Variants in USP36 observed in about 807,000 individuals in gnomAD.
USP36 encodes ubiquitin specific peptidase 36, also known as ubiquitin carboxyl-terminal hydrolase 36.
USP36 carries 59 observed loss-of-function variants against 111.5 expected under a neutral mutation model. The ratio of observed to expected loss-of-function variants is 0.53; its 90% confidence interval spans 0.43 to 0.66. USP36 has a LOEUF of 0.66. USP36 is among the 30% of genes least tolerant of loss of function. The pLI, the probability that USP36 is intolerant of heterozygous loss-of-function variation, is 0.00. For missense variants in USP36, 1,488 were observed against 1,468.0 expected (o/e 1.01, Z -0.22); for synonymous variants, 628 against 581.0 (o/e 1.08, Z -1.16).
chr17:78,818,692 T>C lies in USP36; in HGVS notation c.998A>G (p.Asn333Ser). The change falls in exon 10 of 21, where the codon AAC becomes AGC. Residue 333 changes from asparagine (N) to serine (S), a missense_variant. Transcript: ENST00000449938. ...VLTLSLKRFA[N>S]FSGGKITKDV... is the part of the protein sequence containing the mutation. ...CTTGGTGATCTTCCCCCCGCTGAAG[T>C]TGGCAAAGCGCTTGAGGGAAAGGGT... 3 of 1,613,912 alleles carry C rather than the reference T, an allele frequency of 1.9e-6. No individual in the cohort carries two copies. Among genetic ancestry groups the C allele is most frequent in the Non-Finnish European group, 1.7e-6 (2 of 1,179,848 alleles).
downstream of USP36, among the ~76,000 whole-genome samples, chr17:78,791,628 C>T (rs1838683820): frequency 6.6e-6 from 1 of 152,192 alleles, no homozygotes; most frequent in Non-Finnish European, 1.5e-5. Flanking sequence ...GGAGTGCTTT[C>T]TGAGATCCCA....
intron 13 of USP36, 50 bp downstream of exon 13, chr17:78,812,810 T>C: frequency 6.2e-7 from 1 of 1,605,018 alleles, no homozygotes. Flanking sequence ...AGGAGGTCTG[T>C]GAGGAGCACC....
intron 17 of USP36, among the ~76,000 whole-genome samples, chr17:78,801,396 G>A (rs961019086): frequency 2.6e-5 from 4 of 152,152 alleles, no homozygotes; most frequent in African/African-American, 9.7e-5. Flanking sequence ...CTTAAGAGTT[G>A]GATAAATACA....
chr17:78,824,965 C>T (rs1305378437), intron 6 of USP36, among the ~76,000 whole-genome samples: 3 of 152,210 alleles, frequency 2.0e-5, no homozygotes, highest in East Asian at 1.9e-4. Context: ...TCAATGAAGA[C>T]ATGACAGTTA....
At position 78,819,999 on chromosome 17, in the gene USP36, A is replaced by G; in HGVS notation, c.842T>C (p.Ile281Thr). Residue 281 changes from isoleucine (I) to threonine (T), a missense_variant, in exon 9 of 21, where the codon ATT becomes ACT. Ile to Thr is a moderately conservative substitution (Grantham distance 89). Around this residue, in one of 3 missense-constraint regions of USP36, gnomAD observed 196 missense variants for 264.4 expected, o/e 0.74. Transcript: ENST00000449938. ...VALEIRQAAN[I>T]VRALELFVKA... ...CACAAAAAGTTCCAGAGCACGCACA[A>G]TATTCGCAGCTTGCTGAGGAGGACA... 6.2e-7 allele frequency: 1 copy of G among 1,614,176 alleles called. No individual in the cohort carries two copies. The highest frequency in any genetic ancestry group is 8.5e-7 in the Non-Finnish European group (1 of 1,180,000).
At chr17:78,817,569 C>G (rs2094217192) in intron 10 of USP36, among the ~76,000 whole-genome samples, 1 of 151,414 alleles carries the variant, frequency 6.6e-6, no homozygotes. Flanking sequence ...AGCCTGGCCA[C>G]CATGGCAAAA....
At chr17:78,795,009 GAAAA>G (rs78492260), downstream of USP36, among the ~76,000 whole-genome samples, 2 of 115,506 alleles carry the variant, frequency 1.7e-5, no homozygotes, top group Non-Finnish European at 1.8e-5. This position sits in a 1 kb window ranked among gnomAD's most constrained non-coding sequence, Gnocchi z 4.5. Context: ...CTCTGTTCGG[GAAAA>G]AAAAAAAAAA....
At chr17:78,820,857 T>C (rs2094301560) in intron 8 of USP36, 134 bp downstream of exon 8, 5 of 931,424 alleles carry the variant, frequency 5.4e-6, no homozygotes, top group Non-Finnish European at 8.4e-6. Context: ...TGGTCTGTAC[T>C]GCAAGGCGGC....
At chr17:78,791,802 A>AC (rs1179439456), downstream of USP36, 4 of 152,242 alleles carry the variant, frequency 2.6e-5, no homozygotes, top group Non-Finnish European at 5.9e-5. Flanking sequence ...GCCTTAAAAG[A>AC]TTGTCCTGGA....
Position 78,820,992 on chromosome 17 carries a change from C to T in USP36, c.827G>A (p.Arg276Gln), listed in dbSNP as rs751555738. 8.7e-6 allele frequency: 14 copies of T among 1,607,480 alleles called. No individual in the cohort carries two copies. Among genetic ancestry groups the T allele is most frequent in the East Asian group, 6.7e-5 (3 of 44,666 alleles). The change falls in exon 8 of 21, where the codon CGG (arginine) becomes CAG (glutamine). Residue 276 changes from arginine to glutamine, a missense_variant and splice_region_variant. Coordinates refer to ENST00000449938, the MANE Select transcript of USP36 (RefSeq NM_001385174.1). ...DPYLDVALEI[R>Q]QAANIVRALE... ...GTGAAGGGCAGGACAGATCTGTACC[C>T]GGATCTCCAGCGCGACGTCCAAGTA...
intron 6 of USP36, among the ~76,000 whole-genome samples, chr17:78,825,059 A>T (rs1025774619): frequency 9.2e-5 from 14 of 152,218 alleles, no homozygotes; most frequent in Admixed American, 9.2e-4. Flanking sequence ...TCCAGTAATC[A>T]TGGACTTAAC....
At chr17:78,805,339 A>G (rs1266245725) in intron 15 of USP36, among the ~76,000 whole-genome samples, 1 of 152,142 alleles carries the variant, frequency 6.6e-6, no homozygotes, top group East Asian at 1.9e-4. Flanking sequence ...ACGTACACAA[A>G]TCTTATGCTA....
chr17:78,801,957 T>TG (rs1182994215), intron 17 of USP36, among the ~76,000 whole-genome samples: 2 of 151,924 alleles, frequency 1.3e-5, no homozygotes, highest in South Asian at 4.1e-4. Flanking sequence ...GACTCGGGGG[T>TG]GGGGGGTGAA....
Position 78,796,652 on chromosome 17 carries a change from C to G in USP36, c.*1248G>C, listed in dbSNP as rs916695105. 1 of 152,352 alleles carries G rather than the reference C, an allele frequency of 6.6e-6. No homozygotes were observed. The highest frequency in any genetic ancestry group is 2.4e-5 in the African/African-American group (1 of 41,462). 9.4% of individuals were successfully genotyped at this position (152,352 alleles called of 1,614,324 possible). ...ACAGGGGCAGGAAGCAAAGCTGCCC[C>G]AGGGAGAGGGGGTGCAGACAGCGAG... On this transcript the variant is annotated 3_prime_UTR_variant, in exon 21 of 21. Transcript: ENST00000449938.
chr17:78,828,808 C>A, intron 5 of USP36, 89 bp downstream of exon 5: 1 of 1,321,064 alleles, frequency 7.6e-7, no homozygotes, highest in African/African-American at 1.5e-5. Context: ...AATTTAAGAC[C>A]AGCCTGGGCA....
rs867421422 is a variant in USP36, at chr17:78,814,947, C to A, written c.1024-395G>T. ...CCTGGGCGACAGAGCGAGACTGTCT[C>A]AAAACTGCCCCGCCACAAACAAGAA... On this transcript the variant is annotated intron_variant, in intron 10 of 20. Transcript: ENST00000449938. Among the ~76,000 whole-genome samples, 146 of 151,488 alleles carry A rather than the reference C, an allele frequency of 9.6e-4. No individual in the cohort carries two copies. In the Middle Eastern group the frequency reaches 0.041, roughly 43 times the overall value.
rs1488425774 is a variant in USP36, at chr17:78,825,235, A to C, written c.689+2010T>G. The stretch of plus-strand genomic sequence containing the variant: ...ACATTCACAAACGCTGGTCACCTAT[A>C]ATCACGGAGAAAACATCAGGAAGTT... On this transcript the variant is annotated intron_variant, in intron 6 of 20. Coordinates refer to ENST00000449938, the MANE Select transcript of USP36 (RefSeq NM_001385174.1). Among the ~76,000 whole-genome samples, 3 of 152,212 alleles carry C rather than the reference A, an allele frequency of 2.0e-5. No individual in the cohort carries two copies. In the East Asian group the frequency reaches 5.8e-4, roughly 29 times the overall value.
In USP36 at chr17:78,798,641, G is replaced by A; in HGVS notation, c.3241-90C>T. 1.3e-6 allele frequency: 2 copies of A among 1,577,804 alleles called. No individual in the cohort carries two copies. The highest frequency in any genetic ancestry group is 1.1e-5 in the South Asian group (1 of 88,544). On this transcript the variant is annotated intron_variant, in intron 19 of 20. Coordinates refer to ENST00000449938, the MANE Select transcript of USP36 (RefSeq NM_001385174.1). This position sits in a 1 kb window ranked among gnomAD's most constrained non-coding sequence, Gnocchi z 5.1. ...ATGCTGCATGCAGGTCCTGCACACA[G>A]GCCGGGCTCTCATGAGCTCTCTGGA...
At chr17:78,792,158 A>T (rs559405371), downstream of USP36, 1 of 152,530 alleles carries the variant, frequency 6.6e-6, no homozygotes, top group African/African-American at 2.4e-5. Flanking sequence ...TAAGAACCAC[A>T]GAGAGTCAAC....
Sources: allele counts gnomAD v4.1 joint callset (sites outside exome capture counted in the v4.1 genomes callset), GRCh38; gene constraint gnomAD v4.1.1; regional missense constraint gnomAD v4.1.1; non-coding constraint Gnocchi (gnomAD v3.1); transcripts MANE v1.5; gene names NCBI Gene and HGNC (gene_info 2026-07-23, HGNC 2026-07-21).